The following COL5A1 variants were observed in gnomAD, a reference collection of about 807,000 sequenced individuals.
COL5A1 encodes collagen type V alpha 1 chain.
In COL5A1, 16 loss-of-function variants were observed where a neutral mutation model predicts 263.7. That is an observed-to-expected ratio of 0.06 (90% CI 0.04 to 0.09). The LOEUF is 0.09. Among genes scored for constraint, COL5A1 ranks in the 10% least tolerant of loss-of-function variants. The pLI is 1.00. For missense variants in COL5A1, 2,036 were observed against 2,540.5 expected (o/e 0.80, Z 4.27); for synonymous variants, 1,012 against 1,004.5 (o/e 1.01, Z -0.14).
At chr9:134,661,038 G>A (rs1348376534) in intron 1 of COL5A1, among the ~76,000 whole-genome samples, 4 of 152,066 alleles carry the variant, frequency 2.6e-5, no homozygotes, top group Non-Finnish European at 5.9e-5. Context: ...GAGGATGGAA[G>A]GTACCAGAAG....
At chr9:134,738,902 G>GGTCACCTCCACAGGC in intron 11 of COL5A1, 94 bp downstream of exon 11, 1 of 1,041,268 alleles carries the variant, frequency 9.6e-7, no homozygotes, top group Non-Finnish European at 1.5e-6. Context: ...CCTGCCTGTG[G>GGTCACCTCCACAGGC]AGGTGACCCA....
chr9:134,649,946 A>G (rs1258465209), intron 1 of COL5A1, among the ~76,000 whole-genome samples: 1 of 151,844 alleles, frequency 6.6e-6, no homozygotes, highest in East Asian at 1.9e-4. Context: ...GAAAACCACA[A>G]ACACCACATG....
intron 63 of COL5A1, among the ~76,000 whole-genome samples, chr9:134,829,685 A>G (rs927915044): frequency 1.3e-4 from 19 of 150,502 alleles, no homozygotes; most frequent in Admixed American, 6.6e-4. Context: ...AGTCTCCCCA[A>G]GGGCTGGGGC....
chr9:134,678,973 C>T lies in COL5A1; in HGVS notation c.110-11939C>T, dbSNP rs1832755766. 6.6e-6 allele frequency among the ~76,000 whole-genome samples: 1 copy of T among 152,178 alleles called. No individual in the cohort carries two copies. The highest frequency in any genetic ancestry group is 2.1e-4 in the South Asian group (1 of 4,822). On this transcript the variant is annotated intron_variant, in intron 1 of 65. Transcript: ENST00000371817. The surrounding 1 kb of genome is among the most constrained non-coding windows in gnomAD (Gnocchi z 5.5). The stretch of plus-strand genomic sequence containing the variant: ...GCTGGGTCAGTCCCATTCAGTGGCT[C>T]TGTGTTGGGGTCACGTGGTATCTGC...
At chr9:134,657,818 T>C (rs919104764) in intron 1 of COL5A1, among the ~76,000 whole-genome samples, 1 of 151,400 alleles carries the variant, frequency 6.6e-6, no homozygotes, top group Admixed American at 6.6e-5. Flanking sequence ...TGATGTCTTC[T>C]GGGGAGGGGG....
intron 1 of COL5A1, among the ~76,000 whole-genome samples, chr9:134,665,972 A>G (rs1832342878): frequency 6.6e-6 from 1 of 152,192 alleles, no homozygotes; most frequent in African/African-American, 2.4e-5. Context: ...CTGTGGTCCC[A>G]GCTACTTGGG....
In COL5A1 at chr9:134,743,125, C is replaced by T. The variant is rs536132002; in HGVS notation, c.1494+4317C>T. Among the ~76,000 whole-genome samples, 48 of 152,278 alleles carry T rather than the reference C, an allele frequency of 3.2e-4. 1 individual carries two copies. Among genetic ancestry groups the T allele is most frequent in the African/African-American group, 1.0e-3 (43 of 41,556 alleles). ...CCCTGTGATCAGAGCGTCTTTGAGGCGAGTCCCTTCCTTTCCCTTCCCCGT... is the reference window on the plus strand; with the variant it reads ...CCCTGTGATCAGAGCGTCTTTGAGGTGAGTCCCTTCCTTTCCCTTCCCCGT... On this transcript the variant is annotated intron_variant, in intron 11 of 65. Coordinates refer to ENST00000371817, the MANE Select transcript of COL5A1 (RefSeq NM_000093.5).
chr9:134,740,346 CT>C (rs994554842), intron 11 of COL5A1, among the ~76,000 whole-genome samples: 3 of 152,198 alleles, frequency 2.0e-5, no homozygotes, highest in African/African-American at 4.8e-5. Flanking sequence ...CTGGAGACCC[CT>C]TCCCCCAGAT....
At chr9:134,839,320 G>A (rs1356039287) in intron 65 of COL5A1, among the ~76,000 whole-genome samples, 3 of 152,196 alleles carry the variant, frequency 2.0e-5, no homozygotes, top group African/African-American at 7.2e-5. Context: ...GAATAACGGG[G>A]TAACAGAGCG....
In COL5A1 at chr9:134,818,594, C is replaced by A; in HGVS notation, c.4231-62C>A. 1.5e-6 allele frequency: 2 copies of A among 1,295,654 alleles called. No homozygotes were observed. The highest frequency in any genetic ancestry group is 2.2e-6 in the Non-Finnish European group (2 of 911,428). The allele number at this position is 1,295,654 out of a possible 1,614,324, so 80.3% of individuals were successfully genotyped here. ...TGCCCAGGGTTTCCGAGCAGTGGTC[C>A]TGGGCCAGGGTGCCTGGAGCCTAGA... On this transcript the variant is annotated intron_variant, in intron 54 of 65. Transcript: ENST00000371817. The surrounding 1 kb of genome is among the most constrained non-coding windows in gnomAD (Gnocchi z 6.0).
intron 15 of COL5A1, 69 bp downstream of exon 15, chr9:134,753,972 A>T: frequency 7.4e-7 from 1 of 1,354,330 alleles, no homozygotes; most frequent in Admixed American, 1.7e-5. Context: ...GACGGCGAGC[A>T]TGGAGGGACC....
chr9:134,823,690 G>A (rs114526120), intron 61 of COL5A1, among the ~76,000 whole-genome samples: 375 of 152,356 alleles, frequency 2.5e-3, no homozygotes, highest in African/African-American at 8.5e-3. Context: ...CTGGCCAGGA[G>A]AGAGAGGATA....
intron 1 of COL5A1, among the ~76,000 whole-genome samples, chr9:134,674,137 C>T (rs1832622844): frequency 6.6e-6 from 1 of 152,138 alleles, no homozygotes. Flanking sequence ...CCTTCCTTTA[C>T]CACAGGACAA....
chr9:134,763,730 G>C lies in COL5A1; in HGVS notation c.2027G>C (p.Gly676Ala). Residue 676 changes from glycine (G) to alanine (A), a missense_variant, in exon 20 of 66, where the codon GGG (glycine) becomes GCG (alanine). Gly to Ala is a moderately conservative substitution (Grantham distance 60, BLOSUM62 0). Around this residue, in one of 3 missense-constraint regions of COL5A1, gnomAD observed 1,078 missense variants for 1,521.4 expected, o/e 0.71. Transcript: ENST00000371817. ...DGEVGPRGLPGEPGPRGLLGP... is the reference protein window; with the variant it reads ...DGEVGPRGLPAEPGPRGLLGP... The stretch of plus-strand genomic sequence containing the variant: ...GAAGTTGGGCCCAGGGGGCTGCCTG[G>C]GGAGCCCGTAAGTCTGTGAGCTGAG... The C allele has an allele frequency of 3.1e-6, 5 of 1,613,650 alleles. No homozygotes were observed. Among genetic ancestry groups the C allele is most frequent in the Non-Finnish European group, 4.2e-6 (5 of 1,179,798 alleles).
At position 134,700,175 on chromosome 9, in the gene COL5A1, A is replaced by C; in HGVS notation, c.491+53A>C. 1 of 1,540,470 alleles carries C rather than the reference A, an allele frequency of 6.5e-7. No individual in the cohort carries two copies. The highest frequency in any genetic ancestry group is 1.4e-5 in the African/African-American group (1 of 73,728). On this transcript the variant is annotated intron_variant, in intron 3 of 65. Coordinates refer to ENST00000371817, the MANE Select transcript of COL5A1 (RefSeq NM_000093.5). The surrounding 1 kb of genome is among the most constrained non-coding windows in gnomAD (Gnocchi z 4.0). ...CCCCTGCTGGAGGGGGGATCAGGCCAGCTCATACCACTGACCAGATGTGGG... is the reference window on the plus strand; with the variant it reads ...CCCCTGCTGGAGGGGGGATCAGGCCCGCTCATACCACTGACCAGATGTGGG...
In COL5A1 at chr9:134,730,266, C is replaced by G; in HGVS notation, c.955C>G (p.Pro319Ala). 1 of 1,614,148 alleles carries G rather than the reference C, an allele frequency of 6.2e-7. No individual in the cohort carries two copies. The highest frequency in any genetic ancestry group is 8.5e-7 in the Non-Finnish European group (1 of 1,180,030). ...GACCCCGACCCCCACGGAAGCTGCT[C>G]CCATGCCTGAAACCAGTGAAGGGGC... ...ELTPTPTEAA[P>A]MPETSEGAGK... is the part of the protein sequence containing the mutation. Residue 319 changes from proline (P) to alanine (A), a missense_variant, in exon 7 of 66, where the codon CCC becomes GCC. Physicochemically the swap from Pro to Ala is conservative, Grantham distance 27. This residue lies in a region of COL5A1 where 600 missense variants were observed against 634.5 expected (regional missense o/e 0.95). Transcript: ENST00000371817.
At chr9:134,769,569 T>C (rs967862906) in intron 25 of COL5A1, among the ~76,000 whole-genome samples, 1 of 152,264 alleles carries the variant, frequency 6.6e-6, no homozygotes, top group African/African-American at 2.4e-5. Flanking sequence ...ATTTAGCCAT[T>C]GACAGCGGGT....
chr9:134,728,955 G>A (rs114738957), intron 6 of COL5A1, 148 bp downstream of exon 6: 1 of 1,022,694 alleles, frequency 9.8e-7, no homozygotes, highest in African/African-American at 1.6e-5. Flanking sequence ...GGAGCCGGCT[G>A]TTGCCATCCG....
At chr9:134,802,462 C>G (rs1838148756) in intron 38 of COL5A1, among the ~76,000 whole-genome samples, 1 of 152,218 alleles carries the variant, frequency 6.6e-6, no homozygotes, top group South Asian at 2.1e-4. Flanking sequence ...ACCTTGTGTC[C>G]TAGAAAGCGC....
Sources: allele counts gnomAD v4.1 joint callset (sites outside exome capture counted in the v4.1 genomes callset), GRCh38; gene constraint gnomAD v4.1.1; regional missense constraint gnomAD v4.1.1; non-coding constraint Gnocchi (gnomAD v3.1); transcripts MANE v1.5; gene names NCBI Gene and HGNC (gene_info 2026-07-23, HGNC 2026-07-21).